Variants in ATP8B4 observed in about 807,000 individuals in gnomAD.
ATP8B4 encodes probable phospholipid-transporting ATPase IM.
ATP8B4 carries 133 observed loss-of-function variants against 145.6 expected under a neutral mutation model. The observed-to-expected ratio is 0.91, with a 90% CI of 0.79 to 1.05. ATP8B4 has a LOEUF of 1.05. ATP8B4 is among the 50% of genes least tolerant of loss of function. ATP8B4 has a pLI of 0.00. For synonymous variants in ATP8B4, 507 were observed against 492.9 expected (o/e 1.03, Z -0.38); for missense variants, 1,458 against 1,425.2 (o/e 1.02, Z -0.37).
chr15:49,862,181 GA>G, intron 27 of ATP8B4, 63 bp downstream of exon 27: 5 of 1,562,738 alleles, frequency 3.2e-6, no homozygotes, highest in Non-Finnish European at 4.4e-6. Flanking sequence ...CAATAAGGCA[GA>G]AAAGGACACC....
chr15:50,158,631 A>C (rs1245062829), intron 1 of ATP8B4, among the ~76,000 whole-genome samples: 1 of 152,262 alleles, frequency 6.6e-6, no homozygotes, highest in Admixed American at 6.5e-5. Flanking sequence ...AGAATGGGCC[A>C]TGATGACAAT....
rs1054456894 is a variant in ATP8B4, at chr15:49,876,753, A to G, written c.2782-230T>C. The G allele has an allele frequency of 1.6e-5, 11 of 697,220 alleles. No individual in the cohort carries two copies. In the Middle Eastern group the frequency reaches 7.2e-4, roughly 46 times the overall value. 43.2% of individuals were successfully genotyped at this position (697,220 alleles called of 1,614,324 possible). A position where few individuals can be genotyped will look rare whatever the true frequency, so the allele number is the denominator to read the frequency against. On this transcript the variant is annotated intron_variant, in intron 24 of 27. Coordinates refer to ENST00000284509, the MANE Select transcript of ATP8B4 (RefSeq NM_024837.4). ...CTTGAGTCTCCAAGAGAGATTCATG[A>G]GAGGTCACACAGCTCGTAAGTAGCA... is the stretch of plus-strand genomic sequence containing the variant.
At chr15:50,085,708 A>G (rs528363215) in intron 2 of ATP8B4, among the ~76,000 whole-genome samples, 1 of 150,942 alleles carries the variant, frequency 6.6e-6, no homozygotes, top group East Asian at 1.9e-4. Context: ...ACTCCTAGTC[A>G]AAACAATATA....
intron 21 of ATP8B4, among the ~76,000 whole-genome samples, chr15:49,899,427 C>T (rs1335294596): frequency 6.6e-6 from 1 of 152,138 alleles, no homozygotes; most frequent in Non-Finnish European, 1.5e-5. Flanking sequence ...CAGACTTTAG[C>T]ACTGTGACCG....
At chr15:49,958,238 C>G (rs1341479435) in intron 14 of ATP8B4, among the ~76,000 whole-genome samples, 1 of 151,274 alleles carries the variant, frequency 6.6e-6, no homozygotes, top group African/African-American at 2.4e-5. Context: ...CTTTAATAAA[C>G]TACATGCCAA....
intron 2 of ATP8B4, among the ~76,000 whole-genome samples, chr15:50,097,048 A>G (rs529543195): frequency 2.0e-4 from 30 of 152,354 alleles, no homozygotes; most frequent in Admixed American, 1.4e-3. Context: ...ATAAATTATT[A>G]TGGTAGATGA....
chr15:49,941,721 TAA>T (rs1162966517), intron 14 of ATP8B4, among the ~76,000 whole-genome samples: 1 of 152,086 alleles, frequency 6.6e-6, no homozygotes, highest in African/African-American at 2.4e-5. Flanking sequence ...AGTCATCATA[TAA>T]AAAGACACCT....
intron 14 of ATP8B4, among the ~76,000 whole-genome samples, chr15:49,938,098 G>T (rs894037811): frequency 6.6e-6 from 1 of 152,132 alleles, no homozygotes; most frequent in African/African-American, 2.4e-5. Context: ...AGATGAGCAG[G>T]AGTTACCCAG....
At chr15:50,075,246 GC>G (rs2054101780) in intron 2 of ATP8B4, among the ~76,000 whole-genome samples, 1 of 152,098 alleles carries the variant, frequency 6.6e-6, no homozygotes, top group Non-Finnish European at 1.5e-5. Flanking sequence ...AGAGCTGGAA[GC>G]AGAAGGGAGA....
chr15:49,934,188 G>T lies in ATP8B4; in HGVS notation c.1288-6C>A. 1 of 1,595,444 alleles carries T rather than the reference G, an allele frequency of 6.3e-7. No individual in the cohort carries two copies. The highest frequency in any genetic ancestry group is 1.8e-5 in the Admixed American group (1 of 55,006). ...AAATCCACAGGCTCTTTTTCCTGTA[G>T]GAGAACAACAACAACAAAAATAACC... On this transcript the variant is annotated splice_region_variant and splice_polypyrimidine_tract_variant and intron_variant, in intron 14 of 27. Coordinates refer to ENST00000284509, the MANE Select transcript of ATP8B4 (RefSeq NM_024837.4).
chr15:50,139,475 T>C (rs192454271), intron 1 of ATP8B4, among the ~76,000 whole-genome samples: 3 of 152,148 alleles, frequency 2.0e-5, no homozygotes, highest in African/African-American at 7.2e-5. Flanking sequence ...CTAGGACAAA[T>C]ACCCAATGCG....
intron 2 of ATP8B4, among the ~76,000 whole-genome samples, chr15:50,087,084 A>ATATT (rs2055205557): frequency 3.7e-5 from 4 of 106,864 alleles, no homozygotes; most frequent in African/African-American, 1.3e-4. Context: ...ATAGAGATCT[A>ATATT]TATTATATAT....
At chr15:49,973,434 A>C (rs1289211244) in intron 12 of ATP8B4, among the ~76,000 whole-genome samples, 1 of 152,100 alleles carries the variant, frequency 6.6e-6, no homozygotes, top group African/African-American at 2.4e-5. Flanking sequence ...GATCTAAAGA[A>C]ATGTGCTATT....
chr15:50,074,130 A>G lies in ATP8B4; in HGVS notation c.84T>C (p.Tyr28=). The change falls in exon 3 of 28, where the codon TAT becomes TAC. Residue 28 remains tyrosine (Y), a synonymous_variant. Coordinates refer to ENST00000284509, the MANE Select transcript of ATP8B4 (RefSeq NM_024837.4). ...GTGTTATGTGTGTTTCACTTACCGC[A>G]TACTGGAACTTTTCATTATATTCAC... ...NDREYNEKFQ[Y]ADNRIHTSKY... 1 of 1,612,442 alleles carries G rather than the reference A, an allele frequency of 6.2e-7. No homozygotes were observed. The highest frequency in any genetic ancestry group is 8.5e-7 in the Non-Finnish European group (1 of 1,178,756).
At chr15:50,000,140 T>A (rs10220786) in intron 8 of ATP8B4, among the ~76,000 whole-genome samples, 73,034 of 151,974 alleles carry the variant, frequency 0.48, 18,460 homozygotes, top group East Asian at 0.65. Flanking sequence ...GGATGTTATG[T>A]ATAAAGCCAC....
rs137894072 is a variant in ATP8B4, at chr15:50,139,009, C to T, written c.-42-32001G>A. 9.4e-3 allele frequency among the ~76,000 whole-genome samples: 1,438 copies of T among 152,270 alleles called. 21 individuals are homozygous for T. The highest frequency in any genetic ancestry group is 0.033 in the African/African-American group (1,383 of 41,564). On this transcript the variant is annotated intron_variant, in intron 1 of 3. Transcript: ENST00000558829. ...TGGTGGGAGTGTAAATTAGTTCAAC[C>T]ATTGTGGAAGACAGTGTGGCGATTC...
At chr15:49,947,458 A>G (rs2042675779) in intron 14 of ATP8B4, among the ~76,000 whole-genome samples, 1 of 150,898 alleles carries the variant, frequency 6.6e-6, no homozygotes, top group Non-Finnish European at 1.5e-5. Context: ...AAAAAAAAGA[A>G]AACATTGATG....
chr15:50,142,033 C>G (rs941533287), intron 1 of ATP8B4, among the ~76,000 whole-genome samples: 1 of 152,100 alleles, frequency 6.6e-6, no homozygotes, highest in South Asian at 2.1e-4. Flanking sequence ...AATGTAAAAA[C>G]TGAGGTAGGG....
At chr15:50,137,988 G>C (rs1362273677) in intron 1 of ATP8B4, among the ~76,000 whole-genome samples, 1 of 152,160 alleles carries the variant, frequency 6.6e-6, no homozygotes, top group Non-Finnish European at 1.5e-5. Flanking sequence ...TGAGCTGTGA[G>C]CACAACCTGC....
Sources: gnomAD v4.1 joint callset for allele counts (sites outside exome capture counted in the v4.1 genomes callset) on GRCh38, gnomAD v4.1.1 for gene constraint, MANE v1.5 for transcripts, NCBI Gene and HGNC (gene_info 2026-07-23, HGNC 2026-07-21) for gene names.